The following ZNF229 variants were observed in gnomAD, a reference collection of about 807,000 sequenced individuals.
ZNF229 encodes the protein zinc finger protein 229.
ZNF229 carries 10 observed loss-of-function variants against 11.8 expected under a neutral mutation model. That is an observed-to-expected ratio of 0.85 (90% CI 0.52 to 1.44). The LOEUF (loss-of-function observed/expected upper bound fraction) is 1.44. ZNF229 is among the 40% of genes most tolerant of loss of function. The pLI, the probability that ZNF229 is intolerant of heterozygous loss-of-function variation, is 0.00. For missense variants in ZNF229, 1,045 were observed against 1,015.1 expected (o/e 1.03, Z -0.40); for synonymous variants, 368 against 374.8 (o/e 0.98, Z 0.21).
At position 44,429,730 on chromosome 19, in the gene ZNF229, A is replaced by G. The variant is rs1157324096; in HGVS notation, c.1051T>C (p.Cys351Arg). 4.3e-6 allele frequency: 7 copies of G among 1,613,954 alleles called. No homozygotes were observed. In the East Asian group the frequency reaches 6.7e-5, roughly 15 times the overall value. ...RAPVGDMPYRCDVCGKGFRYK... is the reference protein window; with the variant it reads ...RAPVGDMPYRRDVCGKGFRYK... The stretch of plus-strand genomic sequence containing the variant: ...CTGAACCCCTTTCCACAGACATCAC[A>G]TCTATAGGGCATGTCTCCCACAGGG... The change falls in exon 6 of 6, where the codon TGT becomes CGT. Residue 351 changes from cysteine to arginine, a missense_variant. Transcript: ENST00000614049.
intron 4 of ZNF229, among the ~76,000 whole-genome samples, chr19:44,442,211 G>C (rs923491580): frequency 2.6e-5 from 4 of 152,144 alleles, no homozygotes; most frequent in Non-Finnish European, 5.9e-5. Context: ...ACGTTCCACA[G>C]AGGAGAACAA....
In ZNF229 at chr19:44,429,252, ACT is replaced by A. The variant is rs1364698303; in HGVS notation, c.1527_1528del (p.Arg509SerfsTer11). 4.3e-6 allele frequency: 7 copies of A among 1,613,854 alleles called. No homozygotes were observed. The highest frequency in any genetic ancestry group is 3.4e-6 in the Non-Finnish European group (4 of 1,179,990). Reference sequence around the variant, plus strand: ...TTTGTACAGATGCTGCCCCATGTGAACTCTCTGGTGAGCTTGAAGGTACGAGT... The same window carrying A: ...TTTGTACAGATGCTGCCCCATGTGAACTCTGGTGAGCTTGAAGGTACGAGT... On this transcript the variant is annotated frameshift_variant, in exon 6 of 6. Transcript: ENST00000614049. LOFTEE classifies it low-confidence loss of function (END_TRUNC).
intron 4 of ZNF229, among the ~76,000 whole-genome samples, chr19:44,434,941 C>A (rs1433144273): frequency 6.6e-6 from 1 of 152,048 alleles, no homozygotes; most frequent in Non-Finnish European, 1.5e-5. Flanking sequence ...ATGCTGTTCT[C>A]ATGATGGTGA....
intron 5 of ZNF229, 30 bp downstream of exon 5, chr19:44,432,192 G>C (rs1971734612): frequency 1.3e-6 from 2 of 1,589,902 alleles, no homozygotes; most frequent in African/African-American, 1.4e-5. Context: ...CCAGGAACAA[G>C]AACACTCCAA....
chr19:44,441,229 C>T (rs550636649), intron 4 of ZNF229, among the ~76,000 whole-genome samples: 2 of 151,918 alleles, frequency 1.3e-5, no homozygotes, highest in South Asian at 2.1e-4. Context: ...CTTATGGTGA[C>T]GAATCAGAAG....
At chr19:44,434,191 T>C (rs1971773043) in intron 4 of ZNF229, among the ~76,000 whole-genome samples, 1 of 152,148 alleles carries the variant, frequency 6.6e-6, no homozygotes, top group African/African-American at 2.4e-5. Context: ...AATTTACAGT[T>C]CCAACAGTGC....
chr19:44,428,295 A>C lies in ZNF229; in HGVS notation c.*8T>G. ...CTCTGAGTCCCAGATGGAATCCTCT[A>C]TGTACATCTACTTATAAGGGTTCTC... is the stretch of plus-strand genomic sequence containing the variant. On this transcript the variant is annotated 3_prime_UTR_variant, in exon 6 of 6. Transcript: ENST00000614049. 1 of 1,597,076 alleles carries C rather than the reference A, an allele frequency of 6.3e-7. No individual in the cohort carries two copies. The highest frequency in any genetic ancestry group is 8.6e-7 in the Non-Finnish European group (1 of 1,169,414).
At position 44,429,619 on chromosome 19, in the gene ZNF229, G is replaced by C. The variant is rs377446964; in HGVS notation, c.1162C>G (p.Arg388Gly). ...KCEECGKAFG[R>G]SSNLLVHQRV... is the part of the protein sequence containing the mutation. ...TGATGGACAAGCAGGTTTGAACTTCGACCAAATGCCTTCCCACACTCCTCA... is the reference window on the plus strand; with the variant it reads ...TGATGGACAAGCAGGTTTGAACTTCCACCAAATGCCTTCCCACACTCCTCA... The change falls in exon 6 of 6, where the codon CGA becomes GGA. Residue 388 changes from arginine (R) to glycine (G), a missense_variant. By Grantham distance (125) the Arg-to-Gly change is moderately radical. Coordinates refer to ENST00000614049, the MANE Select transcript of ZNF229 (RefSeq NM_014518.4). 3.7e-5 allele frequency: 59 copies of C among 1,613,718 alleles called. No homozygotes were observed. The highest frequency in any genetic ancestry group is 6.7e-5 in the Admixed American group (4 of 59,962).
At position 44,429,823 on chromosome 19, in the gene ZNF229, A is replaced by T. The variant is rs1971678753; in HGVS notation, c.958T>A (p.Ser320Thr). ...RHQRVPTGEKSVKSLERGRGV... is the reference protein window; with the variant it reads ...RHQRVPTGEKTVKSLERGRGV... ...CGACCACGCTCAAGACTCTTAACAGATTTCTCTCCTGTGGGAACTCTTTGA... is the reference window on the plus strand; with the variant it reads ...CGACCACGCTCAAGACTCTTAACAGTTTTCTCTCCTGTGGGAACTCTTTGA... Residue 320 changes from serine to threonine, a missense_variant, in exon 6 of 6, where the codon TCT (serine) becomes ACT (threonine). Physicochemically the swap from Ser to Thr is moderately conservative, Grantham distance 58. Transcript: ENST00000614049. 6.2e-7 allele frequency: 1 copy of T among 1,613,554 alleles called. No individual in the cohort carries two copies. The highest frequency in any genetic ancestry group is 1.7e-5 in the Admixed American group (1 of 59,964).
Position 44,430,082 on chromosome 19 carries a change from G to T in ZNF229, c.699C>A (p.Phe233Leu), listed in dbSNP as rs767719834. Residue 233 changes from phenylalanine to leucine, a missense_variant, in exon 6 of 6, where the codon TTC becomes TTA. By Grantham distance (22) the Phe-to-Leu change is conservative. Coordinates refer to ENST00000614049, the MANE Select transcript of ZNF229 (RefSeq NM_014518.4). The stretch of plus-strand genomic sequence containing the variant: ...AACCACACGGCTTGTCTATTTCAGG[G>T]AATCTGTGATCAACATGACAAGATA... ...CWISCHVDHR[F>L]PEIDKPCGCN... 6.2e-7 allele frequency: 1 copy of T among 1,614,106 alleles called. No homozygotes were observed. The highest frequency in any genetic ancestry group is 1.1e-5 in the South Asian group (1 of 91,084).
rs757464929 is a variant in ZNF229, at chr19:44,429,815, CTT to C, written c.964_965del (p.Lys322GlufsTer3). ...QRVPTGEKSV[K>X]SLERGRGVRQ... The stretch of plus-strand genomic sequence containing the variant: ...TGACGCCCCGACCACGCTCAAGACT[CTT>C]AACAGATTTCTCTCCTGTGGGAACT... On this transcript the variant is annotated frameshift_variant, in exon 6 of 6. Coordinates refer to ENST00000614049, the MANE Select transcript of ZNF229 (RefSeq NM_014518.4). LOFTEE classifies it low-confidence loss of function (END_TRUNC). 6.2e-7 allele frequency: 1 copy of C among 1,613,976 alleles called. No individual in the cohort carries two copies. The highest frequency in any genetic ancestry group is 8.5e-7 in the Non-Finnish European group (1 of 1,179,980).
At position 44,427,550 on chromosome 19, in the gene ZNF229, CCA is replaced by C. The variant is rs532276804; in HGVS notation, c.*751_*752del. ...AAAAAAAATCAGCATTTCAAAGACG[CCA>C]CATTCTTTCAAAATTAACCTATAAA... On this transcript the variant is annotated 3_prime_UTR_variant, in exon 6 of 6. Coordinates refer to ENST00000614049, the MANE Select transcript of ZNF229 (RefSeq NM_014518.4). The C allele has an allele frequency of 2.0e-5, 3 of 151,842 alleles. No individual in the cohort carries two copies. Among genetic ancestry groups the C allele is most frequent in the South Asian group, 4.1e-4 (2 of 4,822 alleles). The allele number at this position is 151,842 out of a possible 1,614,324, so 9.4% of individuals were successfully genotyped here.
At chr19:44,437,291 A>G (rs1192108869) in intron 4 of ZNF229, among the ~76,000 whole-genome samples, 3 of 152,230 alleles carry the variant, frequency 2.0e-5, no homozygotes, top group Admixed American at 6.5e-5. Context: ...ATTTAACTAT[A>G]TAAGAACCTT....
chr19:44,432,195 C>T, intron 5 of ZNF229, 27 bp downstream of exon 5: 3 of 1,590,492 alleles, frequency 1.9e-6, no homozygotes, highest in African/African-American at 2.7e-5. Flanking sequence ...GGAACAAGAA[C>T]ACTCCAAGAA....
Position 44,429,157 on chromosome 19 carries a change from C to A in ZNF229, c.1624G>T (p.Glu542Ter). The A allele has an allele frequency of 6.2e-7, 1 of 1,613,970 alleles. No individual in the cohort carries two copies. The highest frequency in any genetic ancestry group is 8.5e-7 in the Non-Finnish European group (1 of 1,180,004). The change falls in exon 6 of 6, where the codon GAG (glutamate) becomes TAG (stop). Residue 542 changes from glutamate to a stop codon, truncating the protein, a stop_gained. Transcript: ENST00000614049. LOFTEE classifies it low-confidence loss of function (END_TRUNC). ...CCGCACTCGCATTTGTAGGGTTTCT[C>A]TCCTGTGTGCAGTCTCTGATGCATG... The part of the protein sequence containing the change: ...LLMHQRLHTG[E>*]KPYKCECGKS...
In ZNF229 at chr19:44,442,855, TCTG is replaced by T; in HGVS notation, c.-11_-9del. The T allele has an allele frequency of 1.2e-6, 2 of 1,613,342 alleles. No homozygotes were observed. Among genetic ancestry groups the T allele is most frequent in the Non-Finnish European group, 8.5e-7 (1 of 1,179,794 alleles). ...TGAGGTCAAAGTCTCCATGGTCTCT[TCTG>T]CTAGGTTCTCTGCGAGCAGCAGCAA... On this transcript the variant is annotated 5_prime_UTR_variant, in exon 3 of 6. Coordinates refer to ENST00000614049, the MANE Select transcript of ZNF229 (RefSeq NM_014518.4).
chr19:44,428,749 G>A lies in ZNF229; in HGVS notation c.2032C>T (p.His678Tyr). 5 of 1,613,938 alleles carry A rather than the reference G, an allele frequency of 3.1e-6. No individual in the cohort carries two copies. The highest frequency in any genetic ancestry group is 4.2e-6 in the Non-Finnish European group (5 of 1,179,996). Reference sequence around the variant, plus strand: ...CACGTATAGGGCTTTTTTCCCGTGTGGACTCGCTGATGTTTGTGAAGGCTT... The same window carrying A: ...CACGTATAGGGCTTTTTTCCCGTGTAGACTCGCTGATGTTTGTGAAGGCTT... Reference protein sequence around the residue: ...TSSLHKHQRVHTGKKPYTCDQ... With the variant: ...TSSLHKHQRVYTGKKPYTCDQ... Residue 678 changes from histidine (H) to tyrosine (Y), a missense_variant, in exon 6 of 6, where the codon CAC (histidine) becomes TAC (tyrosine). Coordinates refer to ENST00000614049, the MANE Select transcript of ZNF229 (RefSeq NM_014518.4).
chr19:44,439,091 G>T (rs116724969), intron 4 of ZNF229, among the ~76,000 whole-genome samples: 4 of 152,034 alleles, frequency 2.6e-5, no homozygotes, highest in African/African-American at 9.7e-5. Flanking sequence ...CACTACCTCC[G>T]GGCAGACAGT....
At chr19:44,442,763 C>T in intron 3 of ZNF229, 51 bp downstream of exon 3, 1 of 1,610,888 alleles carries the variant, frequency 6.2e-7, no homozygotes, top group Non-Finnish European at 8.5e-7. Context: ...TTTTTCTCCT[C>T]CACACTCAGT....
Sources: allele counts gnomAD v4.1 joint callset (sites outside exome capture counted in the v4.1 genomes callset), GRCh38; gene constraint gnomAD v4.1.1; transcripts MANE v1.5; gene names NCBI Gene and HGNC (gene_info 2026-07-23, HGNC 2026-07-21).